Variants in ADGRL2 observed in about 807,000 individuals in gnomAD.
The protein encoded by ADGRL2 is adhesion G protein-coupled receptor L2, also known as calcium-independent alpha-latrotoxin receptor 2.
Under a neutral mutation model 157.4 loss-of-function variants are expected in ADGRL2, and 44 were observed. The observed-to-expected ratio is 0.28, with a 90% CI of 0.22 to 0.36. The LOEUF is 0.36. Ranked by LOEUF, ADGRL2 falls within the 10% of genes least tolerant of loss-of-function variation. The pLI is 1.00. For synonymous variants in ADGRL2, 585 were observed against 624.7 expected (o/e 0.94, Z 0.95); for missense variants, 1,510 against 1,768.9 (o/e 0.85, Z 2.63).
rs72717802 is a variant in ADGRL2 at position 81,934,110 on chromosome 1, A to G, written c.288-2618A>G. On this transcript the variant is annotated intron_variant, in intron 3 of 23. Coordinates refer to ENST00000686636, the MANE Select transcript of ADGRL2 (RefSeq NM_001366006.2). ...TTTTGCTTAAGATTATAGTTGTAGA[A>G]TTAATACGTTTTGCTGTCTTAAAGT... 7.0e-3 allele frequency among the ~76,000 whole-genome samples: 1,071 copies of G among 152,220 alleles called. 8 individuals are homozygous for G. Among genetic ancestry groups the G allele is most frequent in the Middle Eastern group, 0.017 (5 of 294 alleles).
At chr1:81,966,816 T>G (rs1411422763) in intron 13 of ADGRL2, among the ~76,000 whole-genome samples, 1 of 152,218 alleles carries the variant, frequency 6.6e-6, no homozygotes, top group Non-Finnish European at 1.5e-5. Context: ...TGAGCTTGGT[T>G]CAGTGATTAT....
intron 2 of ADGRL2, chr1:81,502,573 G>A: frequency 6.2e-7 from 1 of 1,614,018 alleles, no homozygotes; most frequent in South Asian, 1.1e-5. Flanking sequence ...GCCTGGTGGA[G>A]ATCATCAACA....
chr1:81,942,755 G>A, intron 5 of ADGRL2: 1 of 601,178 alleles, frequency 1.7e-6, no homozygotes. Flanking sequence ...TTTTGTTAGT[G>A]AAAATAAACA....
intron 1 of ADGRL2, among the ~76,000 whole-genome samples, chr1:81,418,180 C>A (rs560353985): frequency 7.7e-4 from 117 of 151,722 alleles, no homozygotes; most frequent in Middle Eastern, 3.4e-3. Context: ...TATCTGCACA[C>A]TCAAAACAAA....
chr1:81,690,436 C>T (rs1033513735), intron 3 of ADGRL2, among the ~76,000 whole-genome samples: 17 of 152,128 alleles, frequency 1.1e-4, no homozygotes, highest in Admixed American at 6.5e-4. Flanking sequence ...GTGGAGATTG[C>T]GGTGAGCCAA....
At chr1:81,862,023 C>T (rs1242818789) in intron 2 of ADGRL2, among the ~76,000 whole-genome samples, 3 of 152,120 alleles carry the variant, frequency 2.0e-5, no homozygotes, top group East Asian at 1.9e-4. Context: ...TCGTAGAATG[C>T]GGCCGAAGAT....
intron 1 of ADGRL2, among the ~76,000 whole-genome samples, chr1:81,719,006 C>A (rs188676342): frequency 3.3e-5 from 5 of 152,298 alleles, no homozygotes; most frequent in African/African-American, 1.2e-4. Flanking sequence ...TAGTTATTAA[C>A]CCTTATGGAC....
At chr1:81,453,348 C>T (rs61512794) in intron 2 of ADGRL2, among the ~76,000 whole-genome samples, 2,277 of 151,470 alleles carry the variant, frequency 0.015, 39 homozygotes, top group East Asian at 0.041. Flanking sequence ...GAAAAAACGC[C>T]GAGAAAAACA....
chr1:81,710,294 T>C (rs1356436798), intron 1 of ADGRL2, among the ~76,000 whole-genome samples: 2 of 152,068 alleles, frequency 1.3e-5, no homozygotes, highest in African/African-American at 2.4e-5. Context: ...CTTTTTGAGC[T>C]AATAACCCAT....
intron 2 of ADGRL2, among the ~76,000 whole-genome samples, chr1:81,480,139 C>T (rs2078355408): frequency 6.6e-6 from 1 of 152,146 alleles, no homozygotes; most frequent in Non-Finnish European, 1.5e-5. Flanking sequence ...CCAGAATCTT[C>T]CTCCTAAGAA....
At chr1:81,824,724 G>A (rs889609921) in intron 1 of ADGRL2, among the ~76,000 whole-genome samples, 3 of 152,144 alleles carry the variant, frequency 2.0e-5, no homozygotes, top group African/African-American at 7.2e-5. Flanking sequence ...AGTAAGGTTG[G>A]CTTTATGGCA....
chr1:81,884,701 C>T (rs976281996), intron 2 of ADGRL2, among the ~76,000 whole-genome samples: 2 of 152,096 alleles, frequency 1.3e-5, no homozygotes, highest in Non-Finnish European at 2.9e-5. Context: ...TCTAGAGGAA[C>T]CTGATACGAA....
At chr1:81,349,615 G>C (rs1232342691) in intron 1 of ADGRL2, among the ~76,000 whole-genome samples, 1 of 77,300 alleles carries the variant, frequency 1.3e-5, no homozygotes, top group Non-Finnish European at 2.3e-5. Flanking sequence ...AGATGATAAA[G>C]ACCTGTGTTG....
chr1:81,513,976 GA>G (rs1325565041), intron 2 of ADGRL2: 22 of 152,122 alleles, frequency 1.4e-4, no homozygotes, highest in African/African-American at 5.3e-4. Context: ...CGGCAGGTGT[GA>G]ACTGTTGAGA....
chr1:81,413,378 C>A (rs190904754), intron 1 of ADGRL2, among the ~76,000 whole-genome samples: 6 of 151,998 alleles, frequency 3.9e-5, no homozygotes, highest in African/African-American at 1.2e-4. Flanking sequence ...TATTTACTCA[C>A]CAGGCAGAGC....
At chr1:81,530,421 A>G (rs1232311241) in intron 2 of ADGRL2, among the ~76,000 whole-genome samples, 1 of 86,254 alleles carries the variant, frequency 1.2e-5, no homozygotes, top group Non-Finnish European at 2.1e-5. Flanking sequence ...AGCTCAGCTC[A>G]CTGCAACCTC....
At chr1:81,657,044 C>T (rs1443375986) in intron 3 of ADGRL2, among the ~76,000 whole-genome samples, 3 of 150,608 alleles carry the variant, frequency 2.0e-5, no homozygotes, top group African/African-American at 7.3e-5. Context: ...GAAAGCCATG[C>T]AACTTATATC....
intron 1 of ADGRL2, among the ~76,000 whole-genome samples, chr1:81,723,479 A>G (rs2084405816): frequency 6.6e-6 from 1 of 152,068 alleles, no homozygotes; most frequent in South Asian, 2.1e-4. Flanking sequence ...ATCATTTTGG[A>G]TTTTTTTCCT....
intron 2 of ADGRL2, among the ~76,000 whole-genome samples, chr1:81,493,332 C>T (rs2078671373): frequency 6.6e-6 from 1 of 151,892 alleles, no homozygotes; most frequent in Non-Finnish European, 1.5e-5. Context: ...GTAGGGAAAG[C>T]ATATTTGCTG....
Sources: allele counts gnomAD v4.1 joint callset (sites outside exome capture counted in the v4.1 genomes callset), GRCh38; gene constraint gnomAD v4.1.1; transcripts MANE v1.5; gene names NCBI Gene and HGNC (gene_info 2026-07-23, HGNC 2026-07-21).